AMDHD2: variants seen among roughly 807,000 people sequenced by gnomAD.
AMDHD2 encodes N-acetylglucosamine-6-phosphate deacetylase.
Under a neutral mutation model 41.8 loss-of-function variants are expected in AMDHD2, and 24 were observed. The ratio of observed to expected loss-of-function variants is 0.57; its 90% CI spans 0.42 to 0.81. AMDHD2 has a LOEUF of 0.81. Among genes scored for constraint, AMDHD2 ranks in the 30% least tolerant of loss-of-function variants. AMDHD2 has a pLI of 0.00. For missense variants in AMDHD2, 540 were observed against 588.5 expected (o/e 0.92, Z 0.85); for synonymous variants, 332 against 255.5 (o/e 1.30, Z -2.85).
In AMDHD2 at chr16:2,531,093, C is replaced by A. The variant is rs368755052; in HGVS notation, c.*1530C>A. 3 of 1,569,066 alleles carry A rather than the reference C, an allele frequency of 1.9e-6. No individual in the cohort carries two copies. In the African/African-American group the frequency reaches 4.0e-5, roughly 21 times the overall value. ...GCCCATCCTCAGCTAAAACCCAGAG[C>A]TGGCATGTTGGTCATCCCCACCTCA... is the stretch of plus-strand genomic sequence containing the variant. On this transcript the variant is annotated 3_prime_UTR_variant, in exon 11 of 11. Coordinates refer to ENST00000293971, the MANE Select transcript of AMDHD2 (RefSeq NM_001330449.2).
At chr16:2,520,617 G>A in intron 1 of AMDHD2, 76 bp downstream of exon 1, 1 of 1,058,674 alleles carries the variant, frequency 9.4e-7, no homozygotes, top group Non-Finnish European at 1.2e-6. Flanking sequence ...CGGGCGGGGT[G>A]CAGGGTGCGG....
chr16:2,529,001 C>G lies in AMDHD2; in HGVS notation c.1047C>G (p.Ser349Arg). Residue 349 changes from serine (S) to arginine (R), a missense_variant, in exon 10 of 11, where the codon AGC becomes AGG. Transcript: ENST00000293971. ...VRHFLQATGC[S>R]MESALEAASL... is the part of the protein sequence containing the mutation. ...GCTGTGTCCCCCAAGCAGGCTGCAG[C>G]ATGGAGTCGGCCCTGGAGGCTGCAT... is the stretch of plus-strand genomic sequence containing the variant. The G allele has an allele frequency of 6.3e-7, 1 of 1,580,668 alleles. No individual in the cohort carries two copies. The highest frequency in any genetic ancestry group is 1.7e-4 in the Middle Eastern group (1 of 5,938).
chr16:2,525,965 T>C (rs1381299889), intron 3 of AMDHD2, among the ~76,000 whole-genome samples: 2 of 152,154 alleles, frequency 1.3e-5, no homozygotes, highest in Admixed American at 6.5e-5. Flanking sequence ...AGGTGTGAGC[T>C]ACTGTGCCCA....
intron 3 of AMDHD2, among the ~76,000 whole-genome samples, chr16:2,522,633 C>A (rs2065956170): frequency 6.6e-6 from 1 of 151,478 alleles, no homozygotes; most frequent in East Asian, 2.0e-4. Context: ...GCCGAGATTG[C>A]GCCACTGCAC....
rs909514396 is a variant in AMDHD2 at position 2,530,741 on chromosome 16, T to C, written c.*1178T>C. The C allele has an allele frequency of 7.4e-6, 12 of 1,613,698 alleles. No individual in the cohort carries two copies. The East Asian group carries it at 2.5e-4, about 33-fold the overall frequency. On this transcript the variant is annotated 3_prime_UTR_variant, in exon 11 of 11. Coordinates refer to ENST00000293971, the MANE Select transcript of AMDHD2 (RefSeq NM_001330449.2). ...AACAGCCAGGGAAGAACCACCTGCC[T>C]GGGCAGGGCCTCGCCTGAGGGAGGG... is the stretch of plus-strand genomic sequence containing the variant.
At position 2,527,500 on chromosome 16, in the gene AMDHD2, AGGCTGTGGCCTCTGGGAATG is replaced by A; in HGVS notation, c.361-52_361-33del. 6.4e-7 allele frequency: 1 copy of A among 1,564,338 alleles called. No homozygotes were observed. Among genetic ancestry groups the A allele is most frequent in the Non-Finnish European group, 8.7e-7 (1 of 1,147,520 alleles). On this transcript the variant is annotated intron_variant, in intron 3 of 10. Coordinates refer to ENST00000293971, the MANE Select transcript of AMDHD2 (RefSeq NM_001330449.2). This position sits in a 1 kb window ranked among gnomAD's most constrained non-coding sequence, Gnocchi z 6.1. The stretch of plus-strand genomic sequence containing the variant: ...TGACCTGAGATCTCTGGCCTTGGCT[AGGCTGTGGCCTCTGGGAATG>A]GGCTGTGGGGGACAGGGCTTTAACA...
intron 10 of AMDHD2, 144 bp from the exon 11 acceptor site, chr16:2,529,331 C>T: frequency 1.5e-6 from 2 of 1,332,204 alleles, no homozygotes; most frequent in Non-Finnish European, 2.1e-6. Context: ...TACCTCTGTC[C>T]ATCTGTGATG....
chr16:2,523,314 A>G (rs1388712479), intron 3 of AMDHD2, among the ~76,000 whole-genome samples: 1 of 152,008 alleles, frequency 6.6e-6, no homozygotes, highest in Admixed American at 6.5e-5. Context: ...CAGGATCATC[A>G]CTTGCGTTAT....
chr16:2,521,947 G>C (rs552165218), intron 3 of AMDHD2, among the ~76,000 whole-genome samples: 31 of 152,170 alleles, frequency 2.0e-4, no homozygotes, highest in African/African-American at 6.5e-4. Context: ...ACCTCGCCCG[G>C]CTAATTTTTT....
chr16:2,528,965 A>C, intron 9 of AMDHD2, 29 bp from the exon 10 acceptor site: 1 of 1,554,932 alleles, frequency 6.4e-7, no homozygotes, highest in East Asian at 2.4e-5. Context: ...GGGCTTGGGG[A>C]CTGTCACCTA....
In AMDHD2 at chr16:2,528,286, G is replaced by A. The variant is rs143596753; in HGVS notation, c.768G>A (p.Leu256=). 1 of 1,612,416 alleles carries A rather than the reference G, an allele frequency of 6.2e-7. No individual in the cohort carries two copies. The highest frequency in any genetic ancestry group is 8.5e-7 in the Non-Finnish European group (1 of 1,179,904). The part of the protein sequence containing the change: ...GIVGLLTSDR[L]PAGRCIFYGM... ...TGGGGCTCCTGACCAGCGACCGGCT[G>A]CCCGCAGGCCGCTGCATCTTCTATG... The change falls in exon 7 of 11, where the codon CTG becomes CTA. Residue 256 remains leucine, a synonymous_variant. Coordinates refer to ENST00000293971, the MANE Select transcript of AMDHD2 (RefSeq NM_001330449.2).
intron 10 of AMDHD2, 73 bp downstream of exon 10, chr16:2,529,168 G>C: frequency 7.1e-7 from 1 of 1,406,482 alleles, no homozygotes; most frequent in Middle Eastern, 2.6e-4. Flanking sequence ...GGGCGGCCTG[G>C]ACAGGGCCAG....
In AMDHD2 at chr16:2,521,096, C is replaced by T. The variant is rs754867144; in HGVS notation, c.333C>T (p.Val111=). 2.3e-5 allele frequency: 37 copies of T among 1,597,086 alleles called. No homozygotes were observed. The Admixed American group carries it at 5.6e-4, about 24-fold the overall frequency. The part of the protein sequence containing the change: ...HGVTSFCPTL[V]TSPPEVYHKV... ...TCACCTCCTTCTGCCCCACCCTGGTCACTTCCCCACCGGAGGTTTATCACA... is the reference window on the plus strand; with the variant it reads ...TCACCTCCTTCTGCCCCACCCTGGTTACTTCCCCACCGGAGGTTTATCACA... Residue 111 remains valine (V), a synonymous_variant, in exon 3 of 11, where the codon GTC becomes GTT. Transcript: ENST00000293971.
rs576765374 is a variant in AMDHD2 at position 2,524,385 on chromosome 16, A to G, written c.361-3176A>G. 1.7e-3 allele frequency among the ~76,000 whole-genome samples: 256 copies of G among 152,152 alleles called. 1 individual carries two copies. Among genetic ancestry groups the G allele is most frequent in the Non-Finnish European group, 2.6e-3 (177 of 67,980 alleles). On this transcript the variant is annotated intron_variant, in intron 3 of 10. Transcript: ENST00000293971. ...GTTACCTCCTGAGCCAAGGTGAGGC[A>G]CCTCCAGGGGGCAGCCAGGCCCCTG...
chr16:2,528,912 CAG>C (rs1491352495), intron 9 of AMDHD2, 80 bp from the exon 10 acceptor site: 11 of 1,484,612 alleles, frequency 7.4e-6, no homozygotes, highest in South Asian at 4.9e-5. Context: ...GTCCCTGAGA[CAG>C]GGAGTGCTGG....
In AMDHD2 at chr16:2,522,655, C is replaced by G. The variant is rs1304809449; in HGVS notation, c.360+1532C>G. ...TTGCGCCACTGCACTCCAGCCTGGG[C>G]AACAGATCGAGACTCCATCTCAAAA... On this transcript the variant is annotated intron_variant, in intron 3 of 10. Coordinates refer to ENST00000293971, the MANE Select transcript of AMDHD2 (RefSeq NM_001330449.2). Among the ~76,000 whole-genome samples the G allele has an allele frequency of 4.0e-5, 6 of 151,270 alleles. No homozygotes were observed. In the East Asian group the frequency reaches 1.2e-3, roughly 30 times the overall value.
In AMDHD2 at chr16:2,531,203, C is replaced by G; in HGVS notation, c.*1640C>G. 7.9e-7 allele frequency: 1 copy of G among 1,261,292 alleles called. No individual in the cohort carries two copies. Among genetic ancestry groups the G allele is most frequent in the Non-Finnish European group, 1.1e-6 (1 of 921,498 alleles). The allele number at this position is 1,261,292 out of a possible 1,614,324, so 78.1% of individuals were successfully genotyped here. On this transcript the variant is annotated 3_prime_UTR_variant, in exon 11 of 11. Coordinates refer to ENST00000293971, the MANE Select transcript of AMDHD2 (RefSeq NM_001330449.2). ...CCATTCACCGGCCAGCGCCCCACCT[C>G]CCTGGCTGGAGGGTCGGGGAGGGGC... is the stretch of plus-strand genomic sequence containing the variant.
chr16:2,523,617 T>A (rs899373950), intron 3 of AMDHD2, among the ~76,000 whole-genome samples: 1 of 152,124 alleles, frequency 6.6e-6, no homozygotes, highest in Non-Finnish European at 1.5e-5. Context: ...TTTGGAAATT[T>A]CCCACAGCCC....
Position 2,530,829 on chromosome 16 carries a change from A to G in AMDHD2, c.*1266A>G. The G allele has an allele frequency of 6.2e-7, 1 of 1,613,792 alleles. No homozygotes were observed. Among genetic ancestry groups the G allele is most frequent in the Non-Finnish European group, 8.5e-7 (1 of 1,179,976 alleles). On this transcript the variant is annotated 3_prime_UTR_variant, in exon 11 of 11. Coordinates refer to ENST00000293971, the MANE Select transcript of AMDHD2 (RefSeq NM_001330449.2). ...AGCCCCAGGGGCAGCCCAGGAAAGC[A>G]GGCGACGGATGTGGATCCTGACCTC... is the stretch of plus-strand genomic sequence containing the variant.
Sources: gnomAD v4.1 joint callset for allele counts (sites outside exome capture counted in the v4.1 genomes callset) on GRCh38, gnomAD v4.1.1 for gene constraint, Gnocchi (gnomAD v3.1) non-coding constraint, MANE v1.5 for transcripts, NCBI Gene and HGNC (gene_info 2026-07-23, HGNC 2026-07-21) for gene names.